The following AMT variants were observed in gnomAD, a reference collection of about 807,000 sequenced individuals.
AMT encodes the protein aminomethyltransferase, mitochondrial.
A neutral mutation model predicts 39.5 loss-of-function variants in AMT; 24 were observed. That is an observed-to-expected ratio of 0.61 (90% CI 0.44 to 0.86). The LOEUF (loss-of-function observed/expected upper bound fraction) is 0.86. AMT is among the 40% of genes least tolerant of loss of function. The pLI is 0.00. For missense variants in AMT, 501 were observed against 537.0 expected (o/e 0.93, Z 0.66); for synonymous variants, 210 against 212.1 (o/e 0.99, Z 0.09).
chr3:49,420,254 A>G lies in AMT; in HGVS notation c.428T>C (p.Val143Ala). 6.2e-7 allele frequency: 1 copy of G among 1,614,226 alleles called. No homozygotes were observed. The highest frequency in any genetic ancestry group is 8.5e-7 in the Non-Finnish European group (1 of 1,180,036). The part of the protein sequence containing the change: ...TNTSEGHLYV[V>A]SNAGCWEKDL... ...TTTCTCCCAGCAGCCAGCGTTGGAC[A>G]CCACATACAGGTGGCCCTCAGAAGT... is the stretch of plus-strand genomic sequence containing the variant. Residue 143 changes from valine (V) to alanine (A), a missense_variant, in exon 4 of 9, where the codon GTG becomes GCG. Coordinates refer to ENST00000273588, the MANE Select transcript of AMT (RefSeq NM_000481.4).
Position 49,422,248 on chromosome 3 carries a change from G to C in AMT, c.114C>G (p.Leu38=). Residue 38 remains leucine, a synonymous_variant, in exon 2 of 9, where the codon CTC becomes CTG. Transcript: ENST00000273588. ...CAQEVLRRTP[L]YDFHLAHGGK... Reference sequence around the variant, plus strand: ...CGCCGTGGGCCAGGTGGAAGTCATAGAGCGGTGTCCTGCGGAGCACCTCCT... The same window carrying C: ...CGCCGTGGGCCAGGTGGAAGTCATACAGCGGTGTCCTGCGGAGCACCTCCT... 1 of 1,614,072 alleles carries C rather than the reference G, an allele frequency of 6.2e-7. No homozygotes were observed. Among genetic ancestry groups the C allele is most frequent in the African/African-American group, 1.3e-5 (1 of 75,062 alleles).
In AMT at chr3:49,422,242, G is replaced by A; in HGVS notation, c.120C>T (p.Asp40=). 6.2e-7 allele frequency: 1 copy of A among 1,614,128 alleles called. No homozygotes were observed. The highest frequency in any genetic ancestry group is 8.5e-7 in the Non-Finnish European group (1 of 1,180,008). The change falls in exon 2 of 9, where the codon GAC becomes GAT. Residue 40 remains aspartate (D), a synonymous_variant. Transcript: ENST00000273588. The part of the protein sequence containing the change: ...QEVLRRTPLY[D]FHLAHGGKMV... Reference sequence around the variant, plus strand: ...TTTTCCCGCCGTGGGCCAGGTGGAAGTCATAGAGCGGTGTCCTGCGGAGCA... The same window carrying A: ...TTTTCCCGCCGTGGGCCAGGTGGAAATCATAGAGCGGTGTCCTGCGGAGCA...
chr3:49,421,054 G>A (rs545477051), intron 3 of AMT: 9 of 269,244 alleles, frequency 3.3e-5, no homozygotes, highest in Admixed American at 2.0e-4. Context: ...ACAAGCACGC[G>A]CCACCACGCC....
At position 49,419,380 on chromosome 3, in the gene AMT, C is replaced by T. The variant is rs1318971313; in HGVS notation, c.576G>A (p.Gln192=). The part of the protein sequence containing the change: ...LQGPTAAQVL[Q]AGVADDLRKL... Reference sequence around the variant, plus strand: ...TCCTCAGGTCATCTGCCACGCCGGCCTGTAGTACCTGGGCTGCAGTGGGGC... The same window carrying T: ...TCCTCAGGTCATCTGCCACGCCGGCTTGTAGTACCTGGGCTGCAGTGGGGC... Residue 192 remains glutamine, a synonymous_variant, in exon 6 of 9, where the codon CAG becomes CAA. Transcript: ENST00000273588. 2 of 1,614,080 alleles carry T rather than the reference C, an allele frequency of 1.2e-6. No individual in the cohort carries two copies. Among genetic ancestry groups the T allele is most frequent in the East Asian group, 4.5e-5 (2 of 44,880 alleles).
At position 49,417,693 on chromosome 3, in the gene AMT, G is replaced by T. The variant is rs571827952; in HGVS notation, c.1059C>A (p.Ser353=). The T allele has an allele frequency of 1.2e-6, 2 of 1,614,050 alleles. No homozygotes were observed. The highest frequency in any genetic ancestry group is 2.7e-5 in the African/African-American group (2 of 75,034). ...KIGTVTSGCP[S]PSLKKNVAMG... is the part of the protein sequence containing the mutation. ...TCGCCACATTCTTCTTCAGAGAGGG[G>T]GAGGGGCAGCCACTAGTCACAGTAC... Residue 353 remains serine, a synonymous_variant, in exon 9 of 9, where the codon TCC becomes TCA. Transcript: ENST00000273588.
At chr3:49,420,490 C>T in intron 3 of AMT, 148 bp from the exon 4 acceptor site, 2 of 1,195,756 alleles carry the variant, frequency 1.7e-6, no homozygotes, top group South Asian at 1.3e-5. Flanking sequence ...AAGTCTGGGC[C>T]CAAGTCCAAG....
In AMT at chr3:49,420,310, T is replaced by C. The variant is rs1365568599; in HGVS notation, c.372A>G (p.Gly124=). ...TTACAATCAAGTCATCTAAGATGCCTCCAGCCTCGTTGGTAAACAGCGACA... is the reference window on the plus strand; with the variant it reads ...TTACAATCAAGTCATCTAAGATGCCCCCAGCCTCGTTGGTAAACAGCGACA... The part of the protein sequence containing the change: ...GTLSLFTNEA[G]GILDDLIVTN... Residue 124 remains glycine (G), a synonymous_variant, in exon 4 of 9, where the codon GGA becomes GGG. Transcript: ENST00000273588. The C allele has an allele frequency of 6.2e-7, 1 of 1,614,150 alleles. No individual in the cohort carries two copies. The highest frequency in any genetic ancestry group is 8.5e-7 in the Non-Finnish European group (1 of 1,180,028).
At chr3:49,420,187 G>T in intron 4 of AMT, 24 bp downstream of exon 4, 1 of 1,614,086 alleles carries the variant, frequency 6.2e-7, no homozygotes, top group Non-Finnish European at 8.5e-7. Flanking sequence ...AAGACAAGGT[G>T]TCTAGAACAC....
chr3:49,418,814 A>G, intron 7 of AMT, 157 bp downstream of exon 7: 1 of 794,980 alleles, frequency 1.3e-6, no homozygotes, highest in Non-Finnish European at 2.1e-6. Flanking sequence ...CAACATCTGC[A>G]GTTTCTAATG....
At chr3:49,420,036 C>G in intron 4 of AMT, 175 bp downstream of exon 4, 1 of 926,926 alleles carries the variant, frequency 1.1e-6, no homozygotes, top group Middle Eastern at 3.1e-4. Flanking sequence ...GGTAATCCCC[C>G]ACCACCAAAC....
In AMT at chr3:49,418,494, C is replaced by CTTTTTTTTTTT. The variant is rs3049036; in HGVS notation, c.877+466_877+476dup. ...CCATGCCCGGCAGCATCTTCAGTTT[C>CTTTTTTTTTTT]TTTTTTTTTTTTTTTTTTTTTTTTG... On this transcript the variant is annotated intron_variant, in intron 7 of 8. Transcript: ENST00000273588. The CTTTTTTTTTTT allele has an allele frequency of 1.4e-3, 88 of 64,664 alleles. 9 individuals are homozygous for CTTTTTTTTTTT. The highest frequency in any genetic ancestry group is 4.1e-3 in the East Asian group (7 of 1,728). 4.0% of individuals were successfully genotyped at this position (64,664 alleles called of 1,614,324 possible). A position where few individuals can be genotyped will look rare whatever the true frequency, so the allele number is the denominator to read the frequency against.
In AMT at chr3:49,418,106, C is replaced by T; in HGVS notation, c.878-133G>A. The T allele has an allele frequency of 2.5e-6, 3 of 1,190,706 alleles. No individual in the cohort carries two copies. In the South Asian group the frequency reaches 3.9e-5, roughly 16 times the overall value. 73.8% of individuals were successfully genotyped at this position (1,190,706 alleles called of 1,614,324 possible). A position where few individuals can be genotyped will look rare whatever the true frequency, so the allele number is the denominator to read the frequency against. ...GCTTGGGCTACTCCAGGCTCTATTC[C>T]TCCCTTCACTGCCGTCAGCCAACCA... On this transcript the variant is annotated intron_variant, in intron 7 of 8. Transcript: ENST00000273588.
intron 3 of AMT, 73 bp downstream of exon 3, chr3:49,421,419 C>T: frequency 1.6e-6 from 2 of 1,237,460 alleles, no homozygotes; most frequent in Non-Finnish European, 2.4e-6. Flanking sequence ...GCCCCTAAGC[C>T]TGAGGTAGGG....
chr3:49,422,060 G>T, intron 2 of AMT, 44 bp downstream of exon 2: 1 of 1,612,248 alleles, frequency 6.2e-7, no homozygotes, highest in Non-Finnish European at 8.5e-7. Context: ...CTGTAAACAG[G>T]GAGGAAGGCC....
intron 4 of AMT, 30 bp from the exon 5 acceptor site, chr3:49,419,818 G>A (rs1355185310): frequency 6.2e-7 from 1 of 1,606,204 alleles, no homozygotes; most frequent in Non-Finnish European, 8.5e-7. Context: ...GAGCATCTGG[G>A]GCCACTTACT....
At chr3:49,420,167 A>G in intron 4 of AMT, 44 bp downstream of exon 4, 2 of 1,613,626 alleles carry the variant, frequency 1.2e-6, no homozygotes, top group African/African-American at 2.7e-5. Context: ...ATACTGCTCT[A>G]TGAACAAGGA....
At chr3:49,418,240 T>TGGCACGATCTCAGC in intron 7 of AMT, 1 of 498,100 alleles carries the variant, frequency 2.0e-6, no homozygotes, top group East Asian at 3.7e-5. Flanking sequence ...TAGAATGCAG[T>TGGCACGATCTCAGC]GGCACGATCT....
Position 49,420,255 on chromosome 3 carries a change from C to A in AMT, c.427G>T (p.Val143Leu). Residue 143 changes from valine (V) to leucine (L), a missense_variant, in exon 4 of 9, where the codon GTG (valine) becomes TTG (leucine). By Grantham distance (32) the Val-to-Leu change is conservative. Transcript: ENST00000273588. ...TNTSEGHLYV[V>L]SNAGCWEKDL... ...TTCTCCCAGCAGCCAGCGTTGGACA[C>A]CACATACAGGTGGCCCTCAGAAGTA... is the stretch of plus-strand genomic sequence containing the variant. The A allele has an allele frequency of 6.2e-7, 1 of 1,614,200 alleles. No individual in the cohort carries two copies. Among genetic ancestry groups the A allele is most frequent in the Non-Finnish European group, 8.5e-7 (1 of 1,180,042 alleles).
At chr3:49,422,012 A>G (rs768470816) in intron 2 of AMT, 92 bp downstream of exon 2, 134 of 1,565,982 alleles carry the variant, frequency 8.6e-5, no homozygotes, top group Non-Finnish European at 1.1e-4. Flanking sequence ...CTGTCCTTGG[A>G]ATCCAGTTCA....
Sources: allele counts gnomAD v4.1 joint callset, GRCh38; gene constraint gnomAD v4.1.1; transcripts MANE v1.5; gene names NCBI Gene and HGNC (gene_info 2026-07-23, HGNC 2026-07-21).